ECE1: variants seen among roughly 807,000 people sequenced by gnomAD.
ECE1 encodes endothelin converting enzyme 1.
In ECE1, 35 loss-of-function variants were observed where a neutral mutation model predicts 98.6. The observed-to-expected ratio is 0.35, with a 90% CI of 0.27 to 0.47. ECE1 has a LOEUF of 0.47. ECE1 is among the 20% of genes least tolerant of loss of function. ECE1 has a pLI of 1.00. For missense variants in ECE1, 814 were observed against 1,025.3 expected, an observed-to-expected ratio of 0.79 and a Z score of 2.81; for synonymous variants, 394 against 407.1, an observed-to-expected ratio of 0.97 and a Z score of 0.39.
At chr1:21,223,528 G>A (rs1188469780) in intron 17 of ECE1, among the ~76,000 whole-genome samples, 3 of 152,084 alleles carry the variant, frequency 2.0e-5, no homozygotes, top group East Asian at 1.9e-4. Context: ...GTGCAGTGGC[G>A]CGAACTTGGC....
rs766484059 is a variant in ECE1 at position 21,258,218 on chromosome 1, T to C, written c.762+475A>G. On this transcript the variant is annotated intron_variant, in intron 6 of 18. Coordinates refer to ENST00000374893, the MANE Select transcript of ECE1 (RefSeq NM_001397.3). The surrounding 1 kb of genome is among the most constrained non-coding windows in gnomAD (Gnocchi z 4.2). ...TCACACAGTGACTGAATGGTAGAGA[T>C]GGGCTGGGAACTCAGCTTTTAGGAC... Among the ~76,000 whole-genome samples, 2 of 152,204 alleles carry C rather than the reference T, an allele frequency of 1.3e-5. No individual in the cohort carries two copies. The highest frequency in any genetic ancestry group is 6.5e-5 in the Admixed American group (1 of 15,270).
At position 21,307,652 on chromosome 1, in the gene ECE1, T is replaced by C. The variant is rs1247755221; in HGVS notation, c.4-17496A>G. Among the ~76,000 whole-genome samples the C allele has an allele frequency of 2.0e-5, 3 of 152,182 alleles. No homozygotes were observed. Among genetic ancestry groups the C allele is most frequent in the African/African-American group, 7.2e-5 (3 of 41,436 alleles). On this transcript the variant is annotated intron_variant, in intron 1 of 18. Transcript: ENST00000415912. This position sits in a 1 kb window ranked among gnomAD's most constrained non-coding sequence, Gnocchi z 4.2. ...CACTGGGTCTGGGGCTGGGGCTTCT[T>C]TGTACCTCTGAGGTACAAAGTGGAA...
chr1:21,341,493 C>T (rs565671417), intron 1 of ECE1, among the ~76,000 whole-genome samples: 7 of 152,378 alleles, frequency 4.6e-5, no homozygotes, highest in South Asian at 4.1e-4. Flanking sequence ...TCTGGGCTAA[C>T]GCCCAGAACA....
chr1:21,297,450 C>A (rs1638384419), intron 1 of ECE1, among the ~76,000 whole-genome samples: 1 of 152,098 alleles, frequency 6.6e-6, no homozygotes, highest in Non-Finnish European at 1.5e-5. Context: ...GACCCCCTGA[C>A]CCCCTTGATC....
At chr1:21,250,518 T>C (rs2098211266) in intron 8 of ECE1, among the ~76,000 whole-genome samples, 1 of 152,224 alleles carries the variant, frequency 6.6e-6, no homozygotes, top group Non-Finnish European at 1.5e-5. Context: ...GCCTGTCCAA[T>C]TCCAAATTCT....
rs1003411120 is a variant in ECE1, at chr1:21,265,425, G to A, written c.494-5033C>T. Among the ~76,000 whole-genome samples the A allele has an allele frequency of 3.3e-5, 5 of 152,214 alleles. No homozygotes were observed. In the East Asian group the frequency reaches 7.7e-4, roughly 24 times the overall value. On this transcript the variant is annotated intron_variant, in intron 4 of 18. Transcript: ENST00000374893. Reference sequence around the variant, plus strand: ...CGGGTGCTTGTAGTCCCAGCTACTCGGCAGGCTGAGGCACAAGAATCGCTT... The same window carrying A: ...CGGGTGCTTGTAGTCCCAGCTACTCAGCAGGCTGAGGCACAAGAATCGCTT...
At chr1:21,238,495 A>G in intron 10 of ECE1, 1 of 569,276 alleles carries the variant, frequency 1.8e-6, no homozygotes, top group Non-Finnish European at 3.2e-6. Context: ...TGAGCCATTC[A>G]ATGACCCTCG....
Position 21,227,245 on chromosome 1 carries a change from A to C in ECE1, c.1782-19T>G. On this transcript the variant is annotated intron_variant, in intron 15 of 18. Coordinates refer to ENST00000374893, the MANE Select transcript of ECE1 (RefSeq NM_001397.3). ...TAAGGCCCTGGAGGGAAAGACACAA[A>C]GGTAGAGATGATGCTTTGAGAGGAG... 6.2e-7 allele frequency: 1 copy of C among 1,612,230 alleles called. No individual in the cohort carries two copies. Among genetic ancestry groups the C allele is most frequent in the Non-Finnish European group, 8.5e-7 (1 of 1,178,368 alleles).
At chr1:21,252,148 C>T (rs1252280694) in intron 8 of ECE1, among the ~76,000 whole-genome samples, 5 of 152,338 alleles carry the variant, frequency 3.3e-5, no homozygotes, top group East Asian at 1.9e-4. Context: ...AGATATAAGA[C>T]GGTGAGAAAT....
intron 1 of ECE1, among the ~76,000 whole-genome samples, chr1:21,305,168 T>C (rs913591565): frequency 6.6e-6 from 1 of 152,154 alleles, no homozygotes; most frequent in African/African-American, 2.4e-5. Flanking sequence ...TAGCCACACA[T>C]AGGCTCGACA....
chr1:21,229,341 G>A (rs2098178870), intron 14 of ECE1, among the ~76,000 whole-genome samples: 1 of 151,778 alleles, frequency 6.6e-6, no homozygotes, highest in Admixed American at 6.6e-5. Flanking sequence ...TCGTGACCAT[G>A]CCTGGCTAAT....
At chr1:21,221,896 G>C (rs1371852712) in intron 17 of ECE1, 54 bp from the exon 18 acceptor site, 1 of 1,532,586 alleles carries the variant, frequency 6.5e-7, no homozygotes, top group Non-Finnish European at 9.0e-7. Flanking sequence ...TGGTGAAGGA[G>C]GGGACTGGTA....
chr1:21,287,514 A>T (rs768220699), intron 2 of ECE1, among the ~76,000 whole-genome samples: 15 of 152,162 alleles, frequency 9.9e-5, no homozygotes, highest in Non-Finnish European at 1.8e-4. Flanking sequence ...CAACAGAGAG[A>T]GACTCTGTCT....
intron 1 of ECE1, among the ~76,000 whole-genome samples, chr1:21,305,248 CA>C (rs1638571426): frequency 6.6e-6 from 1 of 152,192 alleles, no homozygotes; most frequent in African/African-American, 2.4e-5. Flanking sequence ...ACACAGTCTA[CA>C]AAGCCAGGCT....
At position 21,225,259 on chromosome 1, in the gene ECE1, C is replaced by T. The variant is rs764345139; in HGVS notation, c.2031G>A (p.Ala677=). ...GGAGCGGGGCTCTCACCCGATAGGC[C>T]GCCTTGAGACCCCCGTTGTCGGCGA... The part of the protein sequence containing the change: ...ENIADNGGLK[A]AYRAYQNWVK... The change falls in exon 17 of 19, where the codon GCG becomes GCA. Residue 677 remains alanine, a synonymous_variant. Coordinates refer to ENST00000374893, the MANE Select transcript of ECE1 (RefSeq NM_001397.3). The surrounding 1 kb of genome is among the most constrained non-coding windows in gnomAD (Gnocchi z 5.3). 4.6e-5 allele frequency: 75 copies of T among 1,614,112 alleles called. No individual in the cohort carries two copies. In the South Asian group the frequency reaches 7.0e-4, roughly 15 times the overall value.
At chr1:21,289,862 G>A (rs1020081331) in intron 2 of ECE1, among the ~76,000 whole-genome samples, 4 of 151,978 alleles carry the variant, frequency 2.6e-5, no homozygotes, top group Non-Finnish European at 5.9e-5. Context: ...GATGGCGGGG[G>A]CAGGTGAGGG....
At chr1:21,259,950 A>G (rs544602337) in intron 5 of ECE1, among the ~76,000 whole-genome samples, 3 of 152,270 alleles carry the variant, frequency 2.0e-5, no homozygotes, top group Admixed American at 6.5e-5. Context: ...ACGTGGAGGA[A>G]TATTTTCCCT....
intron 4 of ECE1, chr1:21,265,988 C>T (rs2098233357): frequency 6.6e-6 from 1 of 152,248 alleles, no homozygotes; most frequent in Admixed American, 6.5e-5. Context: ...GTTCCAGAAG[C>T]TTCCTCAGTC....
intron 1 of ECE1, chr1:21,299,434 T>C (rs1316131933): frequency 6.5e-6 from 1 of 152,908 alleles, no homozygotes; most frequent in African/African-American, 2.4e-5. Context: ...AGCTAGAAAA[T>C]GACAGAGCCA....
Sources: gnomAD v4.1 joint callset for allele counts (sites outside exome capture counted in the v4.1 genomes callset) on GRCh38, gnomAD v4.1.1 for gene constraint, Gnocchi (gnomAD v3.1) non-coding constraint, MANE v1.5 for transcripts, NCBI Gene and HGNC (gene_info 2026-07-23, HGNC 2026-07-21) for gene names.